The following LRRC72 variants were observed in gnomAD, a reference collection of about 807,000 sequenced individuals.
LRRC72 encodes the protein leucine rich repeat containing 72.
A neutral mutation model predicts 35.8 loss-of-function variants in LRRC72; 41 were observed. The observed-to-expected ratio is 1.15, with a 90% confidence interval of 0.89 to 1.49. The LOEUF is 1.49. Among genes scored for constraint, LRRC72 ranks in the 40% most tolerant of loss-of-function variants. The pLI, the probability that LRRC72 is intolerant of heterozygous loss-of-function variation, is 0.00. For synonymous variants in LRRC72, 118 were observed against 119.2 expected (o/e 0.99, Z 0.07); for missense variants, 389 against 330.7 (o/e 1.18, Z -1.37).
In LRRC72 at chr7:16,566,352, G is replaced by T. The variant is rs145598091; in HGVS notation, c.467G>T (p.Arg156Leu). The change falls in exon 6 of 9, where the codon CGT (arginine) becomes CTT (leucine). Residue 156 changes from arginine (R) to leucine (L), a missense_variant. Physicochemically the swap from Arg to Leu is moderately radical, Grantham distance 102. Transcript: ENST00000401542. ...QNPLCQYNLY[R>L]LYIIYHLPGV... is the part of the protein sequence containing the mutation. ...CCTTTGTGCCAATATAACCTGTATCGTTTATATATCATCTACCACCTTCCA... is the reference window on the plus strand; with the variant it reads ...CCTTTGTGCCAATATAACCTGTATCTTTTATATATCATCTACCACCTTCCA... The T allele has an allele frequency of 6.5e-7, 1 of 1,547,004 alleles. No individual in the cohort carries two copies. The highest frequency in any genetic ancestry group is 1.2e-5 in the South Asian group (1 of 82,962).
intron 3 of LRRC72, among the ~76,000 whole-genome samples, chr7:16,547,356 G>A (rs73297280): frequency 0.074 from 11,205 of 152,160 alleles, 465 homozygotes; most frequent in Admixed American, 0.11. Context: ...CTGAGGTGGT[G>A]CCATGCTCCA....
intron 7 of LRRC72, among the ~76,000 whole-genome samples, chr7:16,575,289 A>G (rs888788125): frequency 1.3e-5 from 2 of 152,180 alleles, no homozygotes; most frequent in South Asian, 2.1e-4. Context: ...CTTTTCATCA[A>G]CAAGGGTATG....
At chr7:16,542,150 T>C (rs977783027) in intron 3 of LRRC72, among the ~76,000 whole-genome samples, 5 of 152,140 alleles carry the variant, frequency 3.3e-5, no homozygotes, top group South Asian at 2.1e-4. Context: ...AGGGATTTTA[T>C]AATTTTTTTG....
rs1281188096 is a variant in LRRC72 at position 16,567,566 on chromosome 7, A to AC, written c.670+23_670+24insC. 2.4e-5 allele frequency: 34 copies of AC among 1,418,328 alleles called. No individual in the cohort carries two copies. The African/African-American group carries it at 4.8e-4, about 20-fold the overall frequency. The allele number at this position is 1,418,328 out of a possible 1,614,324, so 87.9% of individuals were successfully genotyped here. ...CAGGTATTTCGTAAAAAAAAAAAAAAAAACAAATTTAATGAAATTAAAACT... is the reference window on the plus strand; with the variant it reads ...CAGGTATTTCGTAAAAAAAAAAAAAACAAACAAATTTAATGAAATTAAAACT... On this transcript the variant is annotated intron_variant, in intron 7 of 8. Coordinates refer to ENST00000401542, the MANE Select transcript of LRRC72 (RefSeq NM_001195280.2).
intron 3 of LRRC72, among the ~76,000 whole-genome samples, chr7:16,554,023 T>C (rs1402263888): frequency 6.6e-6 from 1 of 152,172 alleles, no homozygotes; most frequent in East Asian, 1.9e-4. Flanking sequence ...TTTCTCTAAA[T>C]GGATAATAAT....
intron 5 of LRRC72, among the ~76,000 whole-genome samples, chr7:16,562,566 C>T (rs778040805): frequency 1.7e-4 from 26 of 152,206 alleles, no homozygotes; most frequent in Non-Finnish European, 3.4e-4. Context: ...CAGGGAGTTC[C>T]TCCTTTCGAG....
chr7:16,559,850 G>A (rs1583646865), intron 5 of LRRC72, among the ~76,000 whole-genome samples: 1 of 151,582 alleles, frequency 6.6e-6, no homozygotes, highest in Non-Finnish European at 1.5e-5. Context: ...GGTGAACAGT[G>A]TGATACATAA....
intron 7 of LRRC72, among the ~76,000 whole-genome samples, chr7:16,577,947 G>T (rs937204451): frequency 6.6e-6 from 1 of 152,130 alleles, no homozygotes; most frequent in Non-Finnish European, 1.5e-5. Flanking sequence ...CAACTCTCTT[G>T]GATGACCATA....
chr7:16,568,655 G>A (rs1000107088), intron 7 of LRRC72, among the ~76,000 whole-genome samples: 6 of 152,086 alleles, frequency 3.9e-5, no homozygotes, highest in Non-Finnish European at 7.4e-5. Context: ...ACCAGAATTG[G>A]CAAAGAATTC....
At chr7:16,558,782 T>G in intron 4 of LRRC72, 107 bp from the exon 5 acceptor site, 1 of 468,830 alleles carries the variant, frequency 2.1e-6, no homozygotes, top group Non-Finnish European at 3.5e-6. Flanking sequence ...GTTTTCCTTT[T>G]TAGTTAGCAT....
rs542693607 is a variant in LRRC72 at position 16,576,456 on chromosome 7, G to A, written c.671-3618G>A. 9.1e-4 allele frequency among the ~76,000 whole-genome samples: 139 copies of A among 152,218 alleles called. 1 individual carries two copies. Among genetic ancestry groups the A allele is most frequent in the African/African-American group, 3.2e-3 (133 of 41,544 alleles). On this transcript the variant is annotated intron_variant, in intron 7 of 8. Coordinates refer to ENST00000401542, the MANE Select transcript of LRRC72 (RefSeq NM_001195280.2). Reference sequence around the variant, plus strand: ...TTTATTATCCTTCATCTGAAGTTAAGAAACCAATTATATTTCTAATATCTT... The same window carrying A: ...TTTATTATCCTTCATCTGAAGTTAAAAAACCAATTATATTTCTAATATCTT...
intron 7 of LRRC72, among the ~76,000 whole-genome samples, chr7:16,573,340 A>C (rs545369791): frequency 5.9e-5 from 9 of 152,218 alleles, no homozygotes; most frequent in Non-Finnish European, 1.3e-4. Context: ...GAGCCTGTAT[A>C]GCCAAGACAA....
intron 4 of LRRC72, among the ~76,000 whole-genome samples, chr7:16,558,399 G>C (rs878989800): frequency 2.6e-5 from 4 of 152,002 alleles, no homozygotes; most frequent in African/African-American, 9.7e-5. Context: ...ACCTGAGGTC[G>C]GGAGTTCGAG....
intron 1 of LRRC72, chr7:16,530,121 GAAACA>G (rs550177817): frequency 1.9e-4 from 29 of 152,036 alleles, no homozygotes; most frequent in Non-Finnish European, 4.3e-4. Flanking sequence ...GTTCTCGGGA[GAAACA>G]AAACAATAGG....
At chr7:16,533,629 T>A (rs947536997) in intron 2 of LRRC72, among the ~76,000 whole-genome samples, 1 of 152,090 alleles carries the variant, frequency 6.6e-6, no homozygotes, top group Non-Finnish European at 1.5e-5. Context: ...TTCTAGTGAT[T>A]TGGGGAAATC....
chr7:16,577,297 G>GC (rs900504547), intron 7 of LRRC72, among the ~76,000 whole-genome samples: 2 of 152,112 alleles, frequency 1.3e-5, no homozygotes, highest in African/African-American at 2.4e-5. Context: ...ATTTACTGAG[G>GC]CCCCCCAAGA....
chr7:16,529,137 T>A (rs1175509935), intron 1 of LRRC72, among the ~76,000 whole-genome samples: 1 of 152,214 alleles, frequency 6.6e-6, no homozygotes, highest in Non-Finnish European at 1.5e-5. Flanking sequence ...AATTTCAAAG[T>A]TGACATAAAT....
At chr7:16,543,773 T>C (rs1782399441) in intron 3 of LRRC72, among the ~76,000 whole-genome samples, 1 of 152,230 alleles carries the variant, frequency 6.6e-6, no homozygotes, top group African/African-American at 2.4e-5. Context: ...TGCTTCTGGA[T>C]GTTTTCTTAC....
Position 16,567,500 on chromosome 7 carries a change from T to G in LRRC72, c.627T>G (p.Pro209=), listed in dbSNP as rs1418415909. The change falls in exon 7 of 9, where the codon CCT becomes CCG. Residue 209 remains proline (P), a synonymous_variant. Coordinates refer to ENST00000401542, the MANE Select transcript of LRRC72 (RefSeq NM_001195280.2). The part of the protein sequence containing the change: ...FGGKVDASWD[P]KSPFKQKPAQ... ...GAAAAGTGGATGCTTCATGGGATCCTAAATCACCATTTAAGCAAAAACCAG... is the reference window on the plus strand; with the variant it reads ...GAAAAGTGGATGCTTCATGGGATCCGAAATCACCATTTAAGCAAAAACCAG... The G allele has an allele frequency of 6.7e-7, 1 of 1,492,566 alleles. No homozygotes were observed. Among genetic ancestry groups the G allele is most frequent in the Non-Finnish European group, 8.9e-7 (1 of 1,119,088 alleles). 92.5% of individuals were successfully genotyped at this position (1,492,566 alleles called of 1,614,324 possible). A position where few individuals can be genotyped will look rare whatever the true frequency, so the allele number is the denominator to read the frequency against.
Sources: gnomAD v4.1 joint callset for allele counts (sites outside exome capture counted in the v4.1 genomes callset) on GRCh38, gnomAD v4.1.1 for gene constraint, MANE v1.5 for transcripts, NCBI Gene and HGNC (gene_info 2026-07-23, HGNC 2026-07-21) for gene names.